THTPA: variants seen among roughly 807,000 people sequenced by gnomAD.
THTPA encodes the protein thiamine triphosphatase, also known as thiamine-triphosphatase.
A neutral mutation model predicts 16.5 loss-of-function variants in THTPA; 16 were observed. The observed-to-expected ratio is 0.97, with a 90% confidence interval of 0.66 to 1.47. THTPA has a LOEUF of 1.47. Among genes scored for constraint, THTPA ranks in the 40% most tolerant of loss-of-function variants. The probability of loss-of-function intolerance (pLI) is 0.00; values close to 1 mark genes in which losing one functional copy is unlikely to be tolerated. For missense variants in THTPA, 281 were observed against 280.9 expected (o/e 1.00, Z 0.00); for synonymous variants, 110 against 115.5 (o/e 0.95, Z 0.30).
chr14:23,537,095 G>A, the THTPA span, among the ~76,000 whole-genome samples: 1 of 149,258 alleles, frequency 6.7e-6, no homozygotes, highest in African/African-American at 2.4e-5. Flanking sequence ...AGCCGGGACT[G>A]CACCATCGGG....
At position 23,557,021 on chromosome 14, in the gene THTPA, T is replaced by C; in HGVS notation, c.264T>C (p.Ile88=). 3.1e-6 allele frequency: 5 copies of C among 1,614,202 alleles called. No homozygotes were observed. The highest frequency in any genetic ancestry group is 4.2e-6 in the Non-Finnish European group (5 of 1,180,032). ...AGGAACTCACAGCGGAACCTACAAT[T>C]GTGGCCCAACTCTGTAAGGTGCTGC... ...EYKELTAEPT[I]VAQLCKVLRA... The change falls in exon 1 of 2, where the codon ATT becomes ATC. Residue 88 remains isoleucine, a synonymous_variant. Coordinates refer to ENST00000288014, the MANE Select transcript of THTPA (RefSeq NM_024328.6).
the THTPA span, among the ~76,000 whole-genome samples, chr14:23,539,828 C>T: frequency 6.6e-6 from 1 of 152,184 alleles, no homozygotes; most frequent in Admixed American, 6.5e-5. Flanking sequence ...GTTGGCAGGG[C>T]TAATGGGACC....
chr14:23,532,893 G>C, the THTPA span: 3 of 1,536,120 alleles, frequency 2.0e-6, no homozygotes, highest in African/African-American at 4.1e-5. Flanking sequence ...GCTTCCGGGA[G>C]GCTCCGGCCT....
At chr14:23,554,659 A>AT (rs1366608438), upstream of THTPA, among the ~76,000 whole-genome samples, 2 of 150,744 alleles carry the variant, frequency 1.3e-5, no homozygotes, top group Non-Finnish European at 2.9e-5. Context: ...AAGTGCTAGG[A>AT]TTACAAGTGT....
the THTPA span, chr14:23,532,444 G>A: frequency 9.2e-6 from 11 of 1,199,168 alleles, no homozygotes; most frequent in Non-Finnish European, 1.2e-5. Flanking sequence ...ATTACCTGGT[G>A]CATACTTTCC....
At chr14:23,531,733 G>C in the THTPA span, 1 of 1,328,194 alleles carries the variant, frequency 7.5e-7, no homozygotes, top group Non-Finnish European at 9.7e-7. Flanking sequence ...TAGAACCATG[G>C]GAAGAGGCTG....
chr14:23,533,012 G>T, the THTPA span: 117 of 1,535,992 alleles, frequency 7.6e-5, no homozygotes, highest in Non-Finnish European at 8.7e-5. This position sits in a 1 kb window ranked among gnomAD's most constrained non-coding sequence, Gnocchi z 4.8. Flanking sequence ...TGGTGAGGTG[G>T]GCAGGCTGTC....
the THTPA span, chr14:23,521,760 G>T: frequency 2.3e-6 from 2 of 886,452 alleles, no homozygotes; most frequent in Non-Finnish European, 3.3e-6. Flanking sequence ...GGATCAATGT[G>T]TGTGTCTGTG....
At chr14:23,541,996 C>T in the THTPA span, among the ~76,000 whole-genome samples, 2 of 151,954 alleles carry the variant, frequency 1.3e-5, no homozygotes, top group Non-Finnish European at 2.9e-5. Context: ...ACGAGTATGG[C>T]AGGGAATGAG....
At chr14:23,553,200 A>G (rs1882101551), upstream of THTPA, among the ~76,000 whole-genome samples, 1 of 152,368 alleles carries the variant, frequency 6.6e-6, no homozygotes, top group African/African-American at 2.4e-5. Context: ...TGAAGTTCAC[A>G]TGACAAAAAG....
chr14:23,537,703 C>T, the THTPA span, among the ~76,000 whole-genome samples: 13 of 152,206 alleles, frequency 8.5e-5, no homozygotes, highest in East Asian at 9.6e-4. Flanking sequence ...TGAGGGGAGC[C>T]GATTTCTCGA....
upstream of THTPA, among the ~76,000 whole-genome samples, chr14:23,555,191 G>C (rs1288568838): frequency 1.3e-5 from 2 of 152,178 alleles, no homozygotes; most frequent in East Asian, 3.9e-4. Context: ...GGCCGGGGGG[G>C]TTTCTCCATG....
At chr14:23,529,513 G>A in the THTPA span, 1 of 595,060 alleles carries the variant, frequency 1.7e-6, no homozygotes, top group South Asian at 2.0e-5. Context: ...CTCCCTCTGT[G>A]CTTGACCCTG....
rs1223632051 is a variant in THTPA, at chr14:23,558,790, TC to T, written c.645del (p.Arg216GlufsTer21). The stretch of plus-strand genomic sequence containing the variant: ...TCAGCGCCTGCTAGAAGTGAACAGC[TC>T]CAGAGAGAGGCCACAGGAGACTGAA... ...DYQRLLEVNSSRERPQETEDP... is the reference protein window; with the variant it reads ...DYQRLLEVNSXRERPQETEDP... On this transcript the variant is annotated frameshift_variant, in exon 2 of 2. Transcript: ENST00000288014. LOFTEE classifies it low-confidence loss of function (END_TRUNC). 2 of 1,613,992 alleles carry T rather than the reference TC, an allele frequency of 1.2e-6. No homozygotes were observed. Among genetic ancestry groups the T allele is most frequent in the African/African-American group, 2.7e-5 (2 of 74,900 alleles).
chr14:23,512,308 C>A, the THTPA span, among the ~76,000 whole-genome samples: 8 of 151,954 alleles, frequency 5.3e-5, no homozygotes, highest in Admixed American at 5.2e-4. Context: ...AACACACTTG[C>A]GCGCACGCAC....
chr14:23,551,124 C>T (rs534746963), upstream of THTPA, among the ~76,000 whole-genome samples: 15 of 151,926 alleles, frequency 9.9e-5, no homozygotes, highest in Admixed American at 2.6e-4. This position sits in a 1 kb window ranked among gnomAD's most constrained non-coding sequence, Gnocchi z 5.3. Flanking sequence ...CTCTTCCTCC[C>T]ACACCCCTGT....
the THTPA span, chr14:23,528,744 A>T: frequency 2.0e-6 from 2 of 985,282 alleles, no homozygotes; most frequent in South Asian, 4.7e-5. Flanking sequence ...CAGCTCCCCC[A>T]GTGGCCCAGG....
rs1469877649 is a variant in THTPA, at chr14:23,556,798, C to T, written c.41C>T (p.Pro14Leu). 3.7e-6 allele frequency: 6 copies of T among 1,613,480 alleles called. No homozygotes were observed. The African/African-American group carries it at 6.7e-5, about 18-fold the overall frequency. Residue 14 changes from proline to leucine, a missense_variant, in exon 1 of 2, where the codon CCA (proline) becomes CTA (leucine). By Grantham distance (98) the Pro-to-Leu change is moderately conservative. Coordinates refer to ENST00000288014, the MANE Select transcript of THTPA (RefSeq NM_024328.6). ...ATTGAGGTGGAGCGAAAGTTCCTTC[C>T]AGGGCCTGGCACAGAGGAGCGGCTG... Reference protein sequence around the residue: ...GLIEVERKFLPGPGTEERLQE... With the variant: ...GLIEVERKFLLGPGTEERLQE...
the THTPA span, among the ~76,000 whole-genome samples, chr14:23,549,587 C>T: frequency 4.0e-5 from 6 of 151,846 alleles, no homozygotes; most frequent in East Asian, 1.2e-3. Flanking sequence ...TAGCAGGGGC[C>T]TAGGAAGAAG....
Sources: allele counts gnomAD v4.1 joint callset (sites outside exome capture counted in the v4.1 genomes callset), GRCh38; gene constraint gnomAD v4.1.1; non-coding constraint Gnocchi (gnomAD v3.1); transcripts MANE v1.5; gene names NCBI Gene and HGNC (gene_info 2026-07-23, HGNC 2026-07-21).